Variants in BMPR1B observed in about 807,000 individuals in gnomAD.
The protein encoded by BMPR1B is bone morphogenetic protein receptor type-1B.
A neutral mutation model predicts 59.1 loss-of-function variants in BMPR1B; 12 were observed. The ratio of observed to expected loss-of-function variants is 0.20; its 90% CI spans 0.13 to 0.33. The LOEUF is 0.33. Among genes scored for constraint, BMPR1B ranks in the 10% least tolerant of loss-of-function variants. The pLI, the probability that BMPR1B is intolerant of heterozygous loss-of-function variation, is 1.00. For missense variants in BMPR1B, 550 were observed against 610.9 expected, an observed-to-expected ratio of 0.90 and a Z score of 1.05; for synonymous variants, 237 against 207.3, an observed-to-expected ratio of 1.14 and a Z score of -1.23.
At chr4:94,967,683 C>G (rs141571314) in intron 2 of BMPR1B, among the ~76,000 whole-genome samples, 6,517 of 152,068 alleles carry the variant, frequency 0.043, 355 homozygotes, top group African/African-American at 0.12. Context: ...GGGGTTTCAC[C>G]GTGTTGACCA....
At chr4:95,112,057 C>T (rs1165173436) in intron 4 of BMPR1B, among the ~76,000 whole-genome samples, 1 of 152,048 alleles carries the variant, frequency 6.6e-6, no homozygotes, top group African/African-American at 2.4e-5. Context: ...ATTTTGCTAT[C>T]ACTTTTCTTC....
intron 3 of BMPR1B, among the ~76,000 whole-genome samples, chr4:95,083,022 A>G (rs1369509526): frequency 7.4e-6 from 1 of 135,778 alleles, no homozygotes; most frequent in Non-Finnish European, 1.5e-5. Flanking sequence ...TGGGCGACAG[A>G]GCAATACTCT....
chr4:94,804,305 T>C (rs1409749462), intron 1 of BMPR1B, among the ~76,000 whole-genome samples: 2 of 152,338 alleles, frequency 1.3e-5, no homozygotes, highest in South Asian at 2.1e-4. Flanking sequence ...TTTAAAATTA[T>C]TCATTTTAAA....
At chr4:94,983,819 G>A (rs549255230) in intron 2 of BMPR1B, among the ~76,000 whole-genome samples, 1 of 152,292 alleles carries the variant, frequency 6.6e-6, no homozygotes, top group African/African-American at 2.4e-5. Flanking sequence ...GGCCTTTGCC[G>A]TATTGTAATT....
chr4:94,999,785 A>G (rs1295068114), intron 3 of BMPR1B, among the ~76,000 whole-genome samples: 4 of 152,156 alleles, frequency 2.6e-5, no homozygotes. Context: ...TTCAAATTTC[A>G]TTTACTGGGG....
At chr4:94,935,601 G>A (rs13120952) in intron 2 of BMPR1B, among the ~76,000 whole-genome samples, 21,006 of 152,252 alleles carry the variant, frequency 0.14, 1,672 homozygotes, top group South Asian at 0.19. Flanking sequence ...AGAGTGACTT[G>A]TATGTGTGTG....
rs763655134 is a variant in BMPR1B, at chr4:94,975,363, G to GTTTTTTTTTTT, written c.-112-20669_-112-20659dup. 5.6e-4 allele frequency among the ~76,000 whole-genome samples: 63 copies of GTTTTTTTTTTT among 111,642 alleles called. 1 individual carries two copies. The Middle Eastern group carries it at 0.019, about 33-fold the overall frequency. 73.2% of individuals were successfully genotyped at this position (111,642 alleles called of 152,430 possible). On this transcript the variant is annotated intron_variant, in intron 2 of 12. Transcript: ENST00000515059. ...AAAATCTTAATTTCCTTTTGTTTTT[G>GTTTTTTTTTTT]TTTTTTTTTTTTTTTTTTGAGACGG...
At chr4:94,964,850 C>A (rs534855785) in intron 2 of BMPR1B, among the ~76,000 whole-genome samples, 166 of 152,240 alleles carry the variant, frequency 1.1e-3, no homozygotes, top group African/African-American at 3.8e-3. Flanking sequence ...TCAGTGTTCC[C>A]TTCTAGCTAT....
At chr4:95,022,780 T>G (rs1386764087) in intron 3 of BMPR1B, among the ~76,000 whole-genome samples, 1 of 152,164 alleles carries the variant, frequency 6.6e-6, no homozygotes, top group Non-Finnish European at 1.5e-5. Flanking sequence ...CATTATAAAA[T>G]GGTATTAAAA....
intron 1 of BMPR1B, among the ~76,000 whole-genome samples, chr4:94,777,279 G>A (rs1309789547): frequency 6.6e-6 from 1 of 151,770 alleles, no homozygotes; most frequent in East Asian, 1.9e-4. Context: ...ATAAGCCTCA[G>A]AAAAAGAAAA....
chr4:94,845,404 G>A (rs962105879), intron 1 of BMPR1B, among the ~76,000 whole-genome samples: 16 of 150,848 alleles, frequency 1.1e-4, no homozygotes, highest in Admixed American at 8.6e-4. Context: ...GTGCAGTGGC[G>A]CGATCTTGGC....
intron 1 of BMPR1B, among the ~76,000 whole-genome samples, chr4:94,853,529 G>A (rs1725640385): frequency 6.6e-6 from 1 of 152,146 alleles, no homozygotes; most frequent in South Asian, 2.1e-4. Context: ...TATCTTTAAT[G>A]TAATGAATGA....
At chr4:95,077,836 A>G (rs559645111) in intron 3 of BMPR1B, among the ~76,000 whole-genome samples, 1 of 152,322 alleles carries the variant, frequency 6.6e-6, no homozygotes, top group African/African-American at 2.4e-5. Flanking sequence ...AAAATACAAG[A>G]TGTAATGCAA....
chr4:94,999,673 C>A lies in BMPR1B; in HGVS notation c.-18+3539C>A, dbSNP rs72891410. Among the ~76,000 whole-genome samples, 1,182 of 152,266 alleles carry A rather than the reference C, an allele frequency of 7.8e-3. 16 individuals carry two copies. Among genetic ancestry groups the A allele is most frequent in the African/African-American group, 0.027 (1,118 of 41,536 alleles). Reference sequence around the variant, plus strand: ...CTAGCAAACTAAAGACAGTGTCATGCCTTCCAAAAGGCCCAGAGAGAGCTT... The same window carrying A: ...CTAGCAAACTAAAGACAGTGTCATGACTTCCAAAAGGCCCAGAGAGAGCTT... On this transcript the variant is annotated intron_variant, in intron 3 of 12. Coordinates refer to ENST00000515059, the MANE Select transcript of BMPR1B (RefSeq NM_001203.3).
At chr4:94,965,122 A>G (rs541253147) in intron 2 of BMPR1B, among the ~76,000 whole-genome samples, 7 of 152,280 alleles carry the variant, frequency 4.6e-5, no homozygotes. Context: ...TAGCAAGTGG[A>G]TTAGTCAGAC....
chr4:94,834,352 C>T (rs1470808167), intron 1 of BMPR1B, among the ~76,000 whole-genome samples: 3 of 152,120 alleles, frequency 2.0e-5, no homozygotes, highest in Non-Finnish European at 4.4e-5. Context: ...GCTTATCTTC[C>T]TTATCTTCCT....
chr4:95,090,823 CAA>C (rs1284120440), intron 3 of BMPR1B, among the ~76,000 whole-genome samples: 7 of 151,878 alleles, frequency 4.6e-5, no homozygotes, highest in Non-Finnish European at 7.4e-5. Flanking sequence ...AGCTGTGTCT[CAA>C]ATATAAATTT....
rs1054760156 is a variant in BMPR1B, at chr4:94,758,076, G to T, written c.-183+8G>T. On this transcript the variant is annotated splice_region_variant and intron_variant, in intron 1 of 12. Coordinates refer to ENST00000515059, the MANE Select transcript of BMPR1B (RefSeq NM_001203.3). ...CCGGGAGCGCAGCCGCGGGTAAGGC[G>T]CGCGCGGCGGGGCCCCGTCCCCTGC... 2.7e-5 allele frequency: 4 copies of T among 148,392 alleles called. No homozygotes were observed. The highest frequency in any genetic ancestry group is 4.5e-5 in the Non-Finnish European group (3 of 66,300). 9.2% of individuals were successfully genotyped at this position (148,392 alleles called of 1,614,324 possible).
chr4:94,808,995 C>G (rs1302805425), intron 1 of BMPR1B, among the ~76,000 whole-genome samples: 1 of 152,036 alleles, frequency 6.6e-6, no homozygotes, highest in Non-Finnish European at 1.5e-5. Context: ...CTGGAGGTTG[C>G]AATGAGCCAA....
Sources: gnomAD v4.1 joint callset for allele counts (sites outside exome capture counted in the v4.1 genomes callset) on GRCh38, gnomAD v4.1.1 for gene constraint, MANE v1.5 for transcripts, NCBI Gene and HGNC (gene_info 2026-07-23, HGNC 2026-07-21) for gene names.